The following BBS9 variants were observed in gnomAD, a reference collection of about 807,000 sequenced individuals.
The protein encoded by BBS9 is Bardet-Biedl syndrome 9, also known as protein PTHB1.
BBS9 carries 89 observed loss-of-function variants against 117.7 expected under a neutral mutation model. That is an observed-to-expected ratio of 0.76 (90% CI 0.64 to 0.90). The LOEUF (loss-of-function observed/expected upper bound fraction) is 0.90, where lower values mean the gene tolerates loss of function less well. BBS9 is among the 40% of genes least tolerant of loss of function. BBS9 has a pLI of 0.00. For missense variants in BBS9, 982 were observed against 1,042.2 expected, an observed-to-expected ratio of 0.94 and a Z score of 0.80; for synonymous variants, 379 against 370.9, an observed-to-expected ratio of 1.02 and a Z score of -0.25.
At chr7:33,349,225 C>T (rs1394973016) in intron 13 of BBS9, 55 bp downstream of exon 13, 2 of 1,252,182 alleles carry the variant, frequency 1.6e-6, no homozygotes, top group East Asian at 2.3e-5. Flanking sequence ...TTTAAAAATA[C>T]TAGTTTGTTC....
chr7:33,274,025 AAAT>A, intron 9 of BBS9, 69 bp downstream of exon 9: 2 of 1,518,832 alleles, frequency 1.3e-6, no homozygotes, highest in Non-Finnish European at 1.8e-6. Context: ...AAGTTCTATG[AAAT>A]AATGACAAGT....
chr7:33,615,340 T>A (rs1431174503), intron 21 of BBS9, among the ~76,000 whole-genome samples: 1 of 152,104 alleles, frequency 6.6e-6, no homozygotes, highest in Non-Finnish European at 1.5e-5. Flanking sequence ...CTAAGGGTTC[T>A]GCACTGGATC....
At chr7:33,474,386 C>G (rs565719503) in intron 19 of BBS9, among the ~76,000 whole-genome samples, 1 of 152,342 alleles carries the variant, frequency 6.6e-6, no homozygotes, top group South Asian at 2.1e-4. Context: ...GTCTTCTTAT[C>G]CAGTCTTTTT....
chr7:33,336,804 C>T (rs75063432), intron 10 of BBS9, among the ~76,000 whole-genome samples, 182 bp downstream of exon 10: 4,191 of 152,202 alleles, frequency 0.028, 195 homozygotes, highest in African/African-American at 0.092. Context: ...TATGTTATGG[C>T]TTCTGAAAAC....
intron 7 of BBS9, among the ~76,000 whole-genome samples, chr7:33,270,909 A>G (rs7793123): frequency 6.6e-6 from 1 of 152,292 alleles, no homozygotes; most frequent in Middle Eastern, 3.4e-3. Flanking sequence ...ACACATAATC[A>G]TCAGATTCTA....
At chr7:33,273,301 T>A in intron 8 of BBS9, 106 bp downstream of exon 8, 1 of 1,160,358 alleles carries the variant, frequency 8.6e-7, no homozygotes, top group Non-Finnish European at 1.3e-6. Flanking sequence ...ATGAAAACAG[T>A]TTAATATTGA....
chr7:33,332,221 A>G (rs1291582164), intron 9 of BBS9, among the ~76,000 whole-genome samples: 5 of 151,642 alleles, frequency 3.3e-5, no homozygotes, highest in Admixed American at 6.6e-5. Flanking sequence ...TATTCAATAA[A>G]TGGAGCTGGG....
At chr7:33,408,861 C>G (rs542312165) in intron 19 of BBS9, among the ~76,000 whole-genome samples, 1 of 152,296 alleles carries the variant, frequency 6.6e-6, no homozygotes, top group Non-Finnish European at 1.5e-5. Flanking sequence ...TGCAGTCTCA[C>G]AAGTATCTGT....
intron 20 of BBS9, among the ~76,000 whole-genome samples, chr7:33,520,219 G>A (rs1848409108): frequency 6.6e-6 from 1 of 152,026 alleles, no homozygotes; most frequent in Non-Finnish European, 1.5e-5. Context: ...TCACCGTCTT[G>A]GCCAGGCTGG....
At chr7:33,533,839 C>T (rs1259019496) in intron 20 of BBS9, 115 bp from the exon 21 acceptor site, 3 of 1,241,224 alleles carry the variant, frequency 2.4e-6, no homozygotes, top group Non-Finnish European at 3.5e-6. Flanking sequence ...ATACCACACT[C>T]TTCACAGGTT....
chr7:33,273,044 C>T lies in BBS9; in HGVS notation c.735C>T (p.Ala245=). The change falls in exon 8 of 23, where the codon GCC becomes GCT. Residue 245 remains alanine (A), a synonymous_variant. Transcript: ENST00000242067. The part of the protein sequence containing the change: ...VDWTLNIGEQ[A]LDICIVSFNQ... Reference sequence around the variant, plus strand: ...GGACTCTAAATATTGGAGAGCAAGCCCTTGACATATGTATTGTCTCTTTCA... The same window carrying T: ...GGACTCTAAATATTGGAGAGCAAGCTCTTGACATATGTATTGTCTCTTTCA... 1 of 1,613,250 alleles carries T rather than the reference C, an allele frequency of 6.2e-7. No individual in the cohort carries two copies. The highest frequency in any genetic ancestry group is 8.5e-7 in the Non-Finnish European group (1 of 1,179,682).
intron 19 of BBS9, among the ~76,000 whole-genome samples, chr7:33,406,340 T>G (rs983922839): frequency 1.3e-5 from 2 of 152,234 alleles, no homozygotes; most frequent in African/African-American, 4.8e-5. Flanking sequence ...TGGAGAGTTC[T>G]GTAGATGTCT....
chr7:33,180,163 C>T (rs1797893261), intron 5 of BBS9, among the ~76,000 whole-genome samples: 1 of 152,124 alleles, frequency 6.6e-6, no homozygotes, highest in Non-Finnish European at 1.5e-5. Flanking sequence ...GCTCATACCC[C>T]TGTTCTCTTT....
chr7:33,137,166 A>G (rs1790620345), intron 1 of BBS9, among the ~76,000 whole-genome samples: 1 of 152,002 alleles, frequency 6.6e-6, no homozygotes, highest in African/African-American at 2.4e-5. Flanking sequence ...GGACTGGTGT[A>G]TCAGCACTGC....
At chr7:33,330,521 C>T (rs182226199) in intron 9 of BBS9, among the ~76,000 whole-genome samples, 75 of 152,160 alleles carry the variant, frequency 4.9e-4, no homozygotes, top group Middle Eastern at 3.4e-3. Context: ...TCCTCTGTTG[C>T]GTTCTTATAG....
intron 2 of BBS9, among the ~76,000 whole-genome samples, chr7:33,152,172 G>C (rs987585140): frequency 2.4e-4 from 36 of 152,296 alleles, no homozygotes; most frequent in Admixed American, 2.2e-3. Flanking sequence ...AGAGGTACCT[G>C]GGGTTATGAC....
intron 1 of BBS9, among the ~76,000 whole-genome samples, chr7:33,135,892 A>C (rs1037913103): frequency 3.3e-5 from 5 of 150,800 alleles, no homozygotes; most frequent in Non-Finnish European, 7.4e-5. Context: ...TAAGTTTTAC[A>C]CTTCTTTTGT....
chr7:33,225,040 A>C (rs978476306), intron 5 of BBS9, among the ~76,000 whole-genome samples: 1 of 152,218 alleles, frequency 6.6e-6, no homozygotes, highest in Non-Finnish European at 1.5e-5. Context: ...AGAAAGGCAG[A>C]ATAAATGCTT....
chr7:33,362,124 A>G (rs1467086302), intron 16 of BBS9, among the ~76,000 whole-genome samples: 1 of 152,160 alleles, frequency 6.6e-6, no homozygotes, highest in Non-Finnish European at 1.5e-5. Flanking sequence ...ATTTTATAAA[A>G]TGGAACTATA....
Sources: allele counts gnomAD v4.1 joint callset (sites outside exome capture counted in the v4.1 genomes callset), GRCh38; gene constraint gnomAD v4.1.1; transcripts MANE v1.5; gene names NCBI Gene and HGNC (gene_info 2026-07-23, HGNC 2026-07-21).